Variants in FBXO42 observed in about 807,000 individuals in gnomAD.
FBXO42 encodes F-box only protein 42.
FBXO42 carries 12 observed loss-of-function variants against 71.7 expected under a neutral mutation model. The ratio of observed to expected loss-of-function variants is 0.17; its 90% CI spans 0.11 to 0.27. The LOEUF is 0.27. Ranked by LOEUF, FBXO42 falls within the 10% of genes least tolerant of loss-of-function variation. FBXO42 has a pLI of 1.00. For missense variants in FBXO42, 707 were observed against 911.9 expected, an observed-to-expected ratio of 0.78 and a Z score of 2.89; for synonymous variants, 325 against 327.5, an observed-to-expected ratio of 0.99 and a Z score of 0.08.
At chr1:16,279,849 T>TTTTC (rs1422298378) in intron 4 of FBXO42, among the ~76,000 whole-genome samples, 11 of 76,826 alleles carry the variant, frequency 1.4e-4, no homozygotes, top group Admixed American at 8.7e-4. Context: ...AATGGTTTTT[T>TTTTC]TTTTCTTTTT....
At chr1:16,292,000 A>G (rs1260116841) in intron 4 of FBXO42, among the ~76,000 whole-genome samples, 12 of 152,210 alleles carry the variant, frequency 7.9e-5, no homozygotes, top group Middle Eastern at 3.4e-3. Context: ...ATTGTTTTTT[A>G]TAAGTAGACA....
intron 1 of FBXO42, among the ~76,000 whole-genome samples, chr1:16,351,170 C>T (rs1190347771): frequency 6.6e-6 from 1 of 152,072 alleles, no homozygotes; most frequent in Admixed American, 6.6e-5. Flanking sequence ...TTGGTGTGTC[C>T]AAGCAAAAGC....
At chr1:16,348,034 C>T (rs2082666806) in intron 1 of FBXO42, among the ~76,000 whole-genome samples, 1 of 151,724 alleles carries the variant, frequency 6.6e-6, no homozygotes, top group Non-Finnish European at 1.5e-5. Context: ...AAAGACTTGC[C>T]TATAAGTCAT....
chr1:16,303,575 T>TC (rs1253408556), intron 3 of FBXO42, among the ~76,000 whole-genome samples: 1 of 151,870 alleles, frequency 6.6e-6, no homozygotes. Flanking sequence ...ATAATTTTTT[T>TC]TTTTTTTTTG....
intron 3 of FBXO42, among the ~76,000 whole-genome samples, chr1:16,303,790 G>A (rs950762941): frequency 3.3e-5 from 5 of 152,022 alleles, no homozygotes; most frequent in African/African-American, 1.2e-4. Flanking sequence ...CTGTCACCGA[G>A]GCTAGAGTGC....
chr1:16,318,095 G>A (rs2082384378), intron 1 of FBXO42, among the ~76,000 whole-genome samples: 1 of 152,064 alleles, frequency 6.6e-6, no homozygotes, highest in African/African-American at 2.4e-5. Flanking sequence ...AAAATTTACT[G>A]AGCTGAATAC....
At chr1:16,346,249 T>C (rs555167524) in intron 1 of FBXO42, among the ~76,000 whole-genome samples, 1 of 152,276 alleles carries the variant, frequency 6.6e-6, no homozygotes, top group Admixed American at 6.5e-5. Flanking sequence ...CATTTGAAAG[T>C]GCGTTTACCC....
At chr1:16,307,424 C>T (rs2082263627) in intron 2 of FBXO42, among the ~76,000 whole-genome samples, 1 of 151,878 alleles carries the variant, frequency 6.6e-6, no homozygotes, top group South Asian at 2.1e-4. Context: ...TCACCTGTGC[C>T]CAGGAGTTCA....
At chr1:16,326,040 G>GTGTGTGTCTGTGTGTGTC (rs1553154831) in intron 1 of FBXO42, among the ~76,000 whole-genome samples, 1 of 150,270 alleles carries the variant, frequency 6.7e-6, no homozygotes, top group Non-Finnish European at 1.5e-5. Flanking sequence ...GTGTGTGTGT[G>GTGTGTGTCTGTGTGTGTC]TGTGTGTGTC....
At chr1:16,312,186 G>A (rs1012086747) in intron 2 of FBXO42, among the ~76,000 whole-genome samples, 3 of 152,018 alleles carry the variant, frequency 2.0e-5, no homozygotes, top group African/African-American at 7.2e-5. Flanking sequence ...GCAAGATCCT[G>A]TCTCTATAAA....
chr1:16,300,647 A>G (rs760230710), intron 3 of FBXO42, among the ~76,000 whole-genome samples: 18 of 152,128 alleles, frequency 1.2e-4, no homozygotes, highest in Non-Finnish European at 2.6e-4. Context: ...AAGGTCTCTA[A>G]TTACGTAACT....
intron 4 of FBXO42, among the ~76,000 whole-genome samples, chr1:16,261,153 G>C (rs2081707393): frequency 6.6e-6 from 1 of 152,170 alleles, no homozygotes; most frequent in Non-Finnish European, 1.5e-5. Context: ...TCTTAATCCG[G>C]TAAAGCCAAA....
intron 1 of FBXO42, among the ~76,000 whole-genome samples, chr1:16,324,362 C>G (rs1431848690): frequency 6.6e-6 from 1 of 152,110 alleles, no homozygotes; most frequent in African/African-American, 2.4e-5. Context: ...GATGGACCCA[C>G]TAAGGGCCAA....
intron 4 of FBXO42, among the ~76,000 whole-genome samples, chr1:16,291,822 C>A (rs1404288251): frequency 1.3e-5 from 2 of 152,238 alleles, no homozygotes; most frequent in Admixed American, 6.6e-5. Context: ...CAGGCACATG[C>A]CATCATGCCC....
rs370589026 is a variant in FBXO42 at position 16,310,023 on chromosome 1, G to A, written c.251-4104C>T. ...ATCCTGGCTAACACAGTGAAACCCCGTCTCTACTAAAAATAGAAAAAATTA... is the reference window on the plus strand; with the variant it reads ...ATCCTGGCTAACACAGTGAAACCCCATCTCTACTAAAAATAGAAAAAATTA... On this transcript the variant is annotated intron_variant, in intron 2 of 9. Transcript: ENST00000375592. Among the ~76,000 whole-genome samples the A allele has an allele frequency of 8.6e-4, 130 of 151,804 alleles. 2 individuals are homozygous for A. The South Asian group carries it at 0.013, about 15-fold the overall frequency.
Position 16,250,794 on chromosome 1 carries a change from C to A in FBXO42, c.2030G>T (p.Ser677Ile), listed in dbSNP as rs2081583008. The stretch of plus-strand genomic sequence containing the variant: ...CCTGCCTTGTACCACGGTATGCAGG[C>A]TGGTTTCAGGAGGTCCAACCACAGA... Reference protein sequence around the residue: ...SSSVVGPPETSLHTVVQGRGE... With the variant: ...SSSVVGPPETILHTVVQGRGE... Residue 677 changes from serine (S) to isoleucine (I), a missense_variant, in exon 10 of 10, where the codon AGC (serine) becomes ATC (isoleucine). Coordinates refer to ENST00000375592, the MANE Select transcript of FBXO42 (RefSeq NM_018994.3). This position sits in a 1 kb window ranked among gnomAD's most constrained non-coding sequence, Gnocchi z 4.7. 6.2e-7 allele frequency: 1 copy of A among 1,614,064 alleles called. No homozygotes were observed. Among genetic ancestry groups the A allele is most frequent in the Non-Finnish European group, 8.5e-7 (1 of 1,180,050 alleles).
At chr1:16,350,897 A>C (rs1272014149) in intron 1 of FBXO42, among the ~76,000 whole-genome samples, 2 of 152,190 alleles carry the variant, frequency 1.3e-5, no homozygotes, top group Non-Finnish European at 2.9e-5. Context: ...TCATCTATTT[A>C]TACTGGCTTG....
intron 3 of FBXO42, among the ~76,000 whole-genome samples, chr1:16,300,505 T>C (rs1031277095): frequency 2.0e-5 from 3 of 152,222 alleles, no homozygotes; most frequent in Admixed American, 6.5e-5. Context: ...GATATGCTTT[T>C]GCATTTTCAG....
intron 4 of FBXO42, among the ~76,000 whole-genome samples, chr1:16,287,506 G>A (rs2082034565): frequency 6.6e-6 from 1 of 152,192 alleles, no homozygotes; most frequent in African/African-American, 2.4e-5. Context: ...AACAATACCA[G>A]GGGGGCAATC....
Sources: allele counts gnomAD v4.1 joint callset (sites outside exome capture counted in the v4.1 genomes callset), GRCh38; gene constraint gnomAD v4.1.1; non-coding constraint Gnocchi (gnomAD v3.1); transcripts MANE v1.5; gene names NCBI Gene and HGNC (gene_info 2026-07-23, HGNC 2026-07-21).